The following CDYL2 variants were observed in gnomAD, a reference collection of about 807,000 sequenced individuals.
CDYL2 encodes the protein chromodomain Y like 2.
A neutral mutation model predicts 49.4 loss-of-function variants in CDYL2; 23 were observed. That is an observed-to-expected ratio of 0.47 (90% CI 0.34 to 0.66). CDYL2 has a LOEUF of 0.66. Ranked by LOEUF, CDYL2 falls within the 30% of genes least tolerant of loss-of-function variation. CDYL2 has a pLI of 0.01. For synonymous variants in CDYL2, 360 were observed against 268.8 expected, an observed-to-expected ratio of 1.34 and a Z score of -3.32; for missense variants, 678 against 656.4, an observed-to-expected ratio of 1.03 and a Z score of -0.36.
In CDYL2 at chr16:80,684,566, A is replaced by G. The variant is rs575798444; in HGVS notation, c.588T>C (p.Asn196=). ...GCCCGTTCTCCGCCAGTGTAGCGTG[A>G]TTCACGTCACATTCACCCATATCTT... ...GEQDMGECDV[N]HATLAENGLG... Residue 196 remains asparagine, a synonymous_variant, in exon 2 of 7, where the codon AAT becomes AAC. Coordinates refer to ENST00000570137, the MANE Select transcript of CDYL2 (RefSeq NM_152342.4). 5 of 1,614,014 alleles carry G rather than the reference A, an allele frequency of 3.1e-6. No homozygotes were observed. The South Asian group carries it at 5.5e-5, about 18-fold the overall frequency.
chr16:80,720,038 C>T (rs1309518753), intron 1 of CDYL2, among the ~76,000 whole-genome samples: 3 of 152,234 alleles, frequency 2.0e-5, no homozygotes, highest in African/African-American at 4.8e-5. Context: ...TGCCTTGACA[C>T]TGTAAAGCCA....
chr16:80,743,204 T>C (rs1289889258), intron 1 of CDYL2, among the ~76,000 whole-genome samples: 1 of 152,124 alleles, frequency 6.6e-6, no homozygotes, highest in Non-Finnish European at 1.5e-5. Flanking sequence ...AAGCCCTCAA[T>C]AAAACAGGAA....
At chr16:80,629,924 G>C (rs1014579592) in intron 3 of CDYL2, among the ~76,000 whole-genome samples, 1 of 152,182 alleles carries the variant, frequency 6.6e-6, no homozygotes, top group African/African-American at 2.4e-5. Context: ...GTGGGCTCCT[G>C]TGCATACATT....
At chr16:80,748,528 A>C (rs952580004) in intron 1 of CDYL2, among the ~76,000 whole-genome samples, 1 of 142,270 alleles carries the variant, frequency 7.0e-6, no homozygotes, top group Non-Finnish European at 1.5e-5. Flanking sequence ...AAAAAAAAAA[A>C]AAAAAAAAAA....
chr16:80,798,348 A>C (rs892265893), intron 1 of CDYL2, among the ~76,000 whole-genome samples: 5 of 152,156 alleles, frequency 3.3e-5, no homozygotes, highest in Admixed American at 1.3e-4. Context: ...CGGCCTGTGC[A>C]GGTCATTTAT....
chr16:80,748,549 G>A (rs900737087), intron 1 of CDYL2, among the ~76,000 whole-genome samples: 1 of 146,254 alleles, frequency 6.8e-6, no homozygotes, highest in African/African-American at 2.6e-5. Context: ...AACTCAGGTG[G>A]GTGATGTAGA....
At chr16:80,642,909 C>A (rs1013538315) in intron 2 of CDYL2, among the ~76,000 whole-genome samples, 4 of 152,050 alleles carry the variant, frequency 2.6e-5, no homozygotes, top group Non-Finnish European at 4.4e-5. Flanking sequence ...ATTATTCCAC[C>A]CCCAGCCCCT....
At chr16:80,702,083 G>A (rs991928176) in intron 1 of CDYL2, among the ~76,000 whole-genome samples, 1 of 152,014 alleles carries the variant, frequency 6.6e-6, no homozygotes, top group Admixed American at 6.6e-5. Flanking sequence ...ATACAGGAAT[G>A]TGGAGTGAGA....
In CDYL2 at chr16:80,796,865, C is replaced by G. The variant is rs150731003; in HGVS notation, c.24+7285G>C. Among the ~76,000 whole-genome samples, 1,112 of 152,296 alleles carry G rather than the reference C, an allele frequency of 7.3e-3. 16 individuals are homozygous for G. The highest frequency in any genetic ancestry group is 0.024 in the Middle Eastern group (7 of 294). Reference sequence around the variant, plus strand: ...CACTGCAATCAAGCCATCCCTGACCCACCAACACACTCTATGGAATAGATG... The same window carrying G: ...CACTGCAATCAAGCCATCCCTGACCGACCAACACACTCTATGGAATAGATG... On this transcript the variant is annotated intron_variant, in intron 1 of 6. Transcript: ENST00000570137.
chr16:80,788,626 G>A (rs1363651007), intron 1 of CDYL2, among the ~76,000 whole-genome samples: 1 of 152,150 alleles, frequency 6.6e-6, no homozygotes, highest in Non-Finnish European at 1.5e-5. Flanking sequence ...GAAAAGCATA[G>A]GCATTTTATA....
At chr16:80,650,981 C>T (rs1260507433) in intron 2 of CDYL2, among the ~76,000 whole-genome samples, 5 of 101,098 alleles carry the variant, frequency 4.9e-5, no homozygotes, top group Non-Finnish European at 9.3e-5. Context: ...GGGCGGGGGG[C>T]GGGGGAGATG....
chr16:80,606,945 A>T (rs778131703), intron 6 of CDYL2, among the ~76,000 whole-genome samples: 2 of 151,904 alleles, frequency 1.3e-5, no homozygotes, highest in Non-Finnish European at 2.9e-5. Context: ...AATCTATTCA[A>T]CCTCCTTTTC....
chr16:80,636,627 A>G (rs1907838949), intron 2 of CDYL2, among the ~76,000 whole-genome samples: 1 of 152,206 alleles, frequency 6.6e-6, no homozygotes, highest in Non-Finnish European at 1.5e-5. Flanking sequence ...TACTTCAACC[A>G]TTGTGGAAGA....
chr16:80,647,228 G>GAT (rs1336040501), intron 2 of CDYL2, among the ~76,000 whole-genome samples: 2 of 152,110 alleles, frequency 1.3e-5, no homozygotes, highest in Non-Finnish European at 2.9e-5. Context: ...AAACTGGAAA[G>GAT]ATATTCCATG....
chr16:80,718,610 T>G (rs1263824625), intron 1 of CDYL2, among the ~76,000 whole-genome samples: 1 of 152,162 alleles, frequency 6.6e-6, no homozygotes, highest in South Asian at 2.1e-4. Context: ...GGAGCTAGAA[T>G]TGGCCACTAT....
At chr16:80,731,482 T>C (rs1275214162) in intron 1 of CDYL2, among the ~76,000 whole-genome samples, 1 of 152,082 alleles carries the variant, frequency 6.6e-6, no homozygotes, top group African/African-American at 2.4e-5. Context: ...TGTTTCCAGA[T>C]TCAAAGAGCC....
At chr16:80,739,721 G>T (rs1366948119) in intron 1 of CDYL2, among the ~76,000 whole-genome samples, 1 of 152,112 alleles carries the variant, frequency 6.6e-6, no homozygotes, top group Non-Finnish European at 1.5e-5. Context: ...GGTGTGGGAG[G>T]TGGGAGCCAG....
chr16:80,723,120 C>G (rs8054119), intron 1 of CDYL2, among the ~76,000 whole-genome samples: 33,279 of 152,200 alleles, frequency 0.22, 3,682 homozygotes, highest in South Asian at 0.26. Flanking sequence ...CCCTGGGCTA[C>G]CCATTTGCTT....
intron 2 of CDYL2, among the ~76,000 whole-genome samples, chr16:80,646,816 AAAAC>A (rs1359442117): frequency 8.6e-5 from 13 of 151,944 alleles, no homozygotes; most frequent in African/African-American, 2.4e-5. Flanking sequence ...AAAACAAAAC[AAAAC>A]AAACAAAAAA....
Sources: gnomAD v4.1 joint callset for allele counts (sites outside exome capture counted in the v4.1 genomes callset) on GRCh38, gnomAD v4.1.1 for gene constraint, MANE v1.5 for transcripts, NCBI Gene and HGNC (gene_info 2026-07-23, HGNC 2026-07-21) for gene names.